GPR161: variants seen among roughly 807,000 people sequenced by gnomAD.
GPR161 encodes the protein G-protein coupled receptor RE2.
Under a neutral mutation model 39.2 loss-of-function variants are expected in GPR161, and 25 were observed. That is an observed-to-expected ratio of 0.64 (90% CI 0.47 to 0.89). The LOEUF (loss-of-function observed/expected upper bound fraction) is 0.89, where lower values mean the gene tolerates loss of function less well. GPR161 is among the 40% of genes least tolerant of loss of function. The pLI, the probability that GPR161 is intolerant of heterozygous loss-of-function variation, is 0.00. For synonymous variants in GPR161, 286 were observed against 276.6 expected (o/e 1.03, Z -0.34); for missense variants, 547 against 677.8 (o/e 0.81, Z 2.14).
chr1:168,095,266 C>A (rs1572264596), intron 3 of GPR161, among the ~76,000 whole-genome samples: 1 of 152,128 alleles, frequency 6.6e-6, no homozygotes, highest in African/African-American at 2.4e-5. Context: ...AATATGGGAT[C>A]CTGAGCTGGA....
intron 1 of GPR161, chr1:168,136,292 G>A: frequency 1.4e-6 from 2 of 1,453,506 alleles, no homozygotes; most frequent in Non-Finnish European, 1.8e-6. Flanking sequence ...GGGCGTGACC[G>A]CTTCTCCCCA....
intron 1 of GPR161, among the ~76,000 whole-genome samples, chr1:168,130,245 TCA>T (rs954985426): frequency 3.3e-5 from 5 of 152,184 alleles, no homozygotes; most frequent in Admixed American, 2.6e-4. Flanking sequence ...CCCACCCTTT[TCA>T]CACACCACAT....
intron 2 of GPR161, among the ~76,000 whole-genome samples, chr1:168,102,839 C>CAA (rs11383567): frequency 7.2e-4 from 97 of 135,132 alleles, no homozygotes; most frequent in Middle Eastern, 3.7e-3. Context: ...CTTAATAATT[C>CAA]AAAAAAAAAA....
intron 3 of GPR161, among the ~76,000 whole-genome samples, chr1:168,094,128 T>TC (rs1297139904): frequency 2.6e-5 from 4 of 152,224 alleles, no homozygotes; most frequent in African/African-American, 9.6e-5. Flanking sequence ...CACCAGCTCT[T>TC]CTAGGACACC....
chr1:168,137,068 C>T (rs1167845911), upstream of GPR161: 4 of 1,000,376 alleles, frequency 4.0e-6, no homozygotes, highest in South Asian at 1.3e-4. Context: ...CCCACCCGCG[C>T]CCCTTCCTTC....
intron 1 of GPR161, among the ~76,000 whole-genome samples, chr1:168,109,773 C>G (rs1328383140): frequency 6.6e-6 from 1 of 152,072 alleles, no homozygotes; most frequent in African/African-American, 2.4e-5. Context: ...TCAAGACCAG[C>G]TTGGTCAACA....
intron 4 of GPR161, among the ~76,000 whole-genome samples, chr1:168,089,980 T>G (rs1242956333): frequency 6.6e-6 from 1 of 152,168 alleles, no homozygotes; most frequent in African/African-American, 2.4e-5. Flanking sequence ...GAGTTTCATA[T>G]CAAAGGACAT....
intron 1 of GPR161, among the ~76,000 whole-genome samples, chr1:168,107,710 T>A (rs1696735532): frequency 1.3e-5 from 2 of 152,202 alleles, no homozygotes; most frequent in Non-Finnish European, 2.9e-5. Flanking sequence ...CAGAAAGATA[T>A]GCCCATGGTA....
intron 1 of GPR161, among the ~76,000 whole-genome samples, chr1:168,105,104 A>C (rs1696488221): frequency 6.6e-6 from 1 of 152,088 alleles, no homozygotes; most frequent in Non-Finnish European, 1.5e-5. Context: ...CCCCCTGACC[A>C]ATTTCTTCCT....
At chr1:168,086,037 A>C (rs902153874) in intron 5 of GPR161, among the ~76,000 whole-genome samples, 11 of 152,222 alleles carry the variant, frequency 7.2e-5, no homozygotes, top group Admixed American at 7.2e-4. Context: ...ATATTAAGAT[A>C]CCTCTTACTC....
chr1:168,102,080 G>A (rs1696157786), intron 2 of GPR161, among the ~76,000 whole-genome samples: 1 of 152,172 alleles, frequency 6.6e-6, no homozygotes, highest in Non-Finnish European at 1.5e-5. Flanking sequence ...TGGGATTACA[G>A]GCGTGAGCCA....
intron 1 of GPR161, among the ~76,000 whole-genome samples, chr1:168,115,765 T>C (rs1697569011): frequency 6.6e-6 from 1 of 151,774 alleles, no homozygotes; most frequent in African/African-American, 2.4e-5. Context: ...TCCAGAATTC[T>C]GCTCCAGAGA....
At position 168,096,948 on chromosome 1, in the gene GPR161, C is replaced by A. The variant is rs773910892; in HGVS notation, c.659G>T (p.Arg220Leu). The change falls in exon 3 of 6, where the codon CGC (arginine) becomes CTC (leucine). Residue 220 changes from arginine (R) to leucine (L), a missense_variant. By Grantham distance (102) the Arg-to-Leu change is moderately radical (BLOSUM62 -2). Coordinates refer to ENST00000682931, the MANE Select transcript of GPR161 (RefSeq NM_001375883.1). ...GACGACTGTGCCACAGTGCACCTTG[C>A]GTGCCTTGACCCTGGCCACGCGGAA... ...FIFRVARVKARKVHCGTVVIV... is the reference protein window; with the variant it reads ...FIFRVARVKALKVHCGTVVIV... 1.9e-6 allele frequency: 3 copies of A among 1,614,140 alleles called. No homozygotes were observed. The highest frequency in any genetic ancestry group is 2.2e-5 in the South Asian group (2 of 91,080).
Position 168,096,781 on chromosome 1 carries a change from G to A in GPR161, c.826C>T (p.Leu276Phe). ...CCCCAGGTGACCATGAAGGCACCGA[G>A]GACCACCAGGATGGTGATGAGGGCT... Reference protein sequence around the residue: ...CKALITILVVLGAFMVTWGPY... With the variant: ...CKALITILVVFGAFMVTWGPY... The change falls in exon 3 of 6, where the codon CTC (leucine) becomes TTC (phenylalanine). Residue 276 changes from leucine (L) to phenylalanine (F), a missense_variant. Physicochemically the swap from Leu to Phe is conservative, Grantham distance 22. Transcript: ENST00000682931. The A allele has an allele frequency of 6.2e-7, 1 of 1,614,066 alleles. No individual in the cohort carries two copies. Among genetic ancestry groups the A allele is most frequent in the East Asian group, 2.2e-5 (1 of 44,872 alleles).
chr1:168,110,821 G>A (rs908622172), intron 1 of GPR161, among the ~76,000 whole-genome samples: 2 of 151,792 alleles, frequency 1.3e-5, no homozygotes, highest in African/African-American at 2.4e-5. Flanking sequence ...CTACTCAGGA[G>A]GCTGAGGCAG....
In GPR161 at chr1:168,095,250, T is replaced by C. The variant is rs115190948; in HGVS notation, c.1099+1258A>G. Among the ~76,000 whole-genome samples the C allele has an allele frequency of 2.3e-3, 343 of 152,344 alleles. 2 individuals carry two copies. Among genetic ancestry groups the C allele is most frequent in the African/African-American group, 7.7e-3 (320 of 41,586 alleles). ...GAGTAAAGGATTGTCAAAGATTGAC[T>C]AAGACAATATGGGATCCTGAGCTGG... is the stretch of plus-strand genomic sequence containing the variant. On this transcript the variant is annotated intron_variant, in intron 3 of 5. Transcript: ENST00000682931.
At chr1:168,136,490 G>T (rs1699383903) in intron 1 of GPR161, 1 of 1,261,550 alleles carries the variant, frequency 7.9e-7, no homozygotes, top group Non-Finnish European at 1.0e-6. Flanking sequence ...GCCCCAGGCC[G>T]CAGGGGAGGG....
chr1:168,134,300 G>A (rs993650892), intron 1 of GPR161, among the ~76,000 whole-genome samples: 1 of 152,190 alleles, frequency 6.6e-6, no homozygotes, highest in Non-Finnish European at 1.5e-5. Context: ...TATTTGCCAT[G>A]AATGCTATCC....
chr1:168,094,945 T>C (rs1421407192), intron 3 of GPR161, among the ~76,000 whole-genome samples: 1 of 152,170 alleles, frequency 6.6e-6, no homozygotes, highest in African/African-American at 2.4e-5. Context: ...ATTTATTAAT[T>C]ACAATGGGAA....
Sources: gnomAD v4.1 joint callset for allele counts (sites outside exome capture counted in the v4.1 genomes callset) on GRCh38, gnomAD v4.1.1 for gene constraint, MANE v1.5 for transcripts, NCBI Gene and HGNC (gene_info 2026-07-23, HGNC 2026-07-21) for gene names.